The following SLC9A9 variants were observed in gnomAD, a reference collection of about 807,000 sequenced individuals.
SLC9A9 encodes the protein sodium/hydrogen exchanger 9.
A neutral mutation model predicts 77.8 loss-of-function variants in SLC9A9; 62 were observed. The ratio of observed to expected loss-of-function variants is 0.80; its 90% confidence interval spans 0.65 to 0.98. The LOEUF (loss-of-function observed/expected upper bound fraction) is 0.98, where lower values mean the gene tolerates loss of function less well. SLC9A9 is among the 50% of genes least tolerant of loss of function. SLC9A9 has a pLI of 0.00. For synonymous variants in SLC9A9, 320 were observed against 283.5 expected, an observed-to-expected ratio of 1.13 and a Z score of -1.29; for missense variants, 775 against 774.9, an observed-to-expected ratio of 1.00 and a Z score of 0.00.
rs1170404785 is a variant in SLC9A9 at position 143,593,647 on chromosome 3, T to G, written c.756-14924A>C. Reference sequence around the variant, plus strand: ...ACTGTGGCACCTTTCAGATCTACTGTGCATGTGTGAAAGGAAAAGAGAAAG... The same window carrying G: ...ACTGTGGCACCTTTCAGATCTACTGGGCATGTGTGAAAGGAAAAGAGAAAG... On this transcript the variant is annotated intron_variant, in intron 6 of 15. Transcript: ENST00000316549. 5.3e-5 allele frequency among the ~76,000 whole-genome samples: 8 copies of G among 152,126 alleles called. No homozygotes were observed. In the East Asian group the frequency reaches 1.5e-3, roughly 29 times the overall value.
At chr3:143,610,724 C>T (rs1013694075) in intron 6 of SLC9A9, among the ~76,000 whole-genome samples, 3 of 152,148 alleles carry the variant, frequency 2.0e-5, no homozygotes, top group Non-Finnish European at 4.4e-5. Context: ...ACAGGGCTCC[C>T]AGAATGTTGG....
At chr3:143,455,277 A>G (rs555684640) in intron 12 of SLC9A9, among the ~76,000 whole-genome samples, 1 of 152,286 alleles carries the variant, frequency 6.6e-6, no homozygotes, top group Non-Finnish European at 1.5e-5. Flanking sequence ...GTTAATTTAT[A>G]TGTCTATCCC....
intron 9 of SLC9A9, among the ~76,000 whole-genome samples, chr3:143,504,536 C>T (rs777192153): frequency 9.2e-5 from 14 of 152,142 alleles, no homozygotes; most frequent in Non-Finnish European, 1.8e-4. Context: ...GACGCTTCCT[C>T]TATAAAGTTG....
intron 4 of SLC9A9, among the ~76,000 whole-genome samples, chr3:143,716,902 A>T (rs755802543): frequency 3.9e-5 from 6 of 152,178 alleles, no homozygotes; most frequent in Non-Finnish European, 5.9e-5. Flanking sequence ...GGGAGGCAAC[A>T]GTAATGTGTT....
At chr3:143,575,928 C>T (rs1180290441) in intron 7 of SLC9A9, among the ~76,000 whole-genome samples, 4 of 152,088 alleles carry the variant, frequency 2.6e-5, no homozygotes, top group Non-Finnish European at 5.9e-5. Context: ...TTGAAGACCA[C>T]CAAATACTGC....
chr3:143,342,638 G>A (rs2032139905), intron 14 of SLC9A9, among the ~76,000 whole-genome samples: 1 of 152,196 alleles, frequency 6.6e-6, no homozygotes, highest in South Asian at 2.1e-4. Flanking sequence ...AGCCAGATTT[G>A]TCAAGATTAA....
At chr3:143,786,679 C>T (rs573865143) in intron 4 of SLC9A9, among the ~76,000 whole-genome samples, 1 of 152,298 alleles carries the variant, frequency 6.6e-6, no homozygotes, top group African/African-American at 2.4e-5. Context: ...TTGTACTTGA[C>T]AGATTAGAGA....
intron 14 of SLC9A9, among the ~76,000 whole-genome samples, chr3:143,360,558 C>G (rs1170855975): frequency 6.6e-6 from 1 of 152,154 alleles, no homozygotes; most frequent in Non-Finnish European, 1.5e-5. Flanking sequence ...ATGTAAAGCA[C>G]TGAACACAGT....
chr3:143,638,135 C>T (rs1534162), intron 6 of SLC9A9, among the ~76,000 whole-genome samples: 26,508 of 151,944 alleles, frequency 0.17, 2,349 homozygotes, highest in Non-Finnish European at 0.2. Flanking sequence ...GCAAAGTAGG[C>T]GGGTGAGAAT....
intron 5 of SLC9A9, among the ~76,000 whole-genome samples, chr3:143,664,129 C>A (rs1332977118): frequency 6.6e-6 from 1 of 152,182 alleles, no homozygotes; most frequent in South Asian, 2.1e-4. Context: ...AACAGCGGAT[C>A]TCTCTGCAGA....
chr3:143,331,107 A>G (rs2031754668), intron 14 of SLC9A9, among the ~76,000 whole-genome samples: 1 of 152,186 alleles, frequency 6.6e-6, no homozygotes, highest in South Asian at 2.1e-4. Flanking sequence ...GGATGGATGA[A>G]CTATTTCTTC....
In SLC9A9 at chr3:143,606,430, C is replaced by A. The variant is rs866999641; in HGVS notation, c.756-27707G>T. ...TCTCTCTCTCTCTCTCTCTCTCTCT[C>A]TCTCTCTATATATATATATATATAT... On this transcript the variant is annotated intron_variant, in intron 6 of 15. Coordinates refer to ENST00000316549, the MANE Select transcript of SLC9A9 (RefSeq NM_173653.4). Among the ~76,000 whole-genome samples the A allele has an allele frequency of 7.4e-3, 469 of 63,140 alleles. 2 individuals are homozygous for A. Among genetic ancestry groups the A allele is most frequent in the African/African-American group, 0.01 (168 of 16,530 alleles). 41.4% of individuals were successfully genotyped at this position (63,140 alleles called of 152,430 possible). A position where few individuals can be genotyped will look rare whatever the true frequency, so the allele number is the denominator to read the frequency against.
intron 4 of SLC9A9, among the ~76,000 whole-genome samples, chr3:143,786,726 G>A (rs1868179): frequency 0.55 from 84,225 of 152,060 alleles, 25,820 homozygotes; most frequent in African/African-American, 0.81. Context: ...GGGCAGCAGT[G>A]TATTTATTTT....
At chr3:143,737,269 A>G (rs114608078) in intron 4 of SLC9A9, among the ~76,000 whole-genome samples, 421 of 152,240 alleles carry the variant, frequency 2.8e-3, no homozygotes, top group African/African-American at 9.8e-3. Flanking sequence ...TAATTGTTCT[A>G]TTACTCATTA....
intron 4 of SLC9A9, among the ~76,000 whole-genome samples, chr3:143,722,472 CAAAAAAAAAAAA>C (rs60995925): frequency 2.2e-4 from 13 of 58,344 alleles, no homozygotes; most frequent in Non-Finnish European, 3.4e-4. Flanking sequence ...GACTCCATCT[CAAAAAAAAAAAA>C]AAAAAAAAAA....
intron 12 of SLC9A9, among the ~76,000 whole-genome samples, chr3:143,423,264 C>T (rs990154168): frequency 6.6e-6 from 1 of 151,334 alleles, no homozygotes; most frequent in African/African-American, 2.4e-5. Context: ...CACACACACA[C>T]ACACACACAC....
chr3:143,562,176 A>G (rs1159215225), intron 8 of SLC9A9, among the ~76,000 whole-genome samples: 1 of 152,256 alleles, frequency 6.6e-6, no homozygotes, highest in Non-Finnish European at 1.5e-5. Flanking sequence ...AAGCAGCTTT[A>G]TGTCTCCTAA....
chr3:143,836,354 C>A (rs1388898812), intron 1 of SLC9A9, among the ~76,000 whole-genome samples: 3 of 152,176 alleles, frequency 2.0e-5, no homozygotes, highest in African/African-American at 7.2e-5. Context: ...ATCTCTTTTC[C>A]TCTAGAAAAG....
chr3:143,318,598 C>T (rs1383690227), intron 14 of SLC9A9, among the ~76,000 whole-genome samples: 1 of 152,086 alleles, frequency 6.6e-6, no homozygotes, highest in Admixed American at 6.6e-5. Context: ...ACAAAACAAC[C>T]CATCTGTCAC....
Sources: gnomAD v4.1 joint callset for allele counts (sites outside exome capture counted in the v4.1 genomes callset) on GRCh38, gnomAD v4.1.1 for gene constraint, MANE v1.5 for transcripts, NCBI Gene and HGNC (gene_info 2026-07-23, HGNC 2026-07-21) for gene names.